COL24A1: variants seen among roughly 807,000 people sequenced by gnomAD.
The protein encoded by COL24A1 is collagen type XXIV alpha 1 chain, also known as collagen alpha-1(XXIV) chain.
A neutral mutation model predicts 253.9 loss-of-function variants in COL24A1; 224 were observed. The observed-to-expected ratio is 0.88, with a 90% CI of 0.79 to 0.99. The LOEUF (loss-of-function observed/expected upper bound fraction) is 0.99. COL24A1 is among the 50% of genes least tolerant of loss of function. COL24A1 has a pLI of 0.00. For missense variants in COL24A1, 2,131 were observed against 2,068.5 expected (o/e 1.03, Z -0.59); for synonymous variants, 685 against 673.7 (o/e 1.02, Z -0.26).
At chr1:85,825,144 G>A (rs766290488) in intron 43 of COL24A1, among the ~76,000 whole-genome samples, 78 of 140,272 alleles carry the variant, frequency 5.6e-4, no homozygotes, top group Admixed American at 6.5e-4. Context: ...TCATTGTTCA[G>A]TTCCCACCTA....
In COL24A1 at chr1:86,110,618, G is replaced by A. The variant is rs376320886; in HGVS notation, c.1599+1949C>T. On this transcript the variant is annotated intron_variant, in intron 5 of 59. Transcript: ENST00000370571. ...GCGCTCGCGAGCGAGCGCGAGTTCC[G>A]GGTGGGCACAGGCTTGGCAGGCCCC... Among the ~76,000 whole-genome samples, 357 of 152,102 alleles carry A rather than the reference G, an allele frequency of 2.3e-3. 2 individuals carry two copies. Among genetic ancestry groups the A allele is most frequent in the African/African-American group, 7.2e-3 (298 of 41,544 alleles).
chr1:86,064,867 GTTAAAC>G (rs1289232900), intron 7 of COL24A1, among the ~76,000 whole-genome samples: 2 of 152,336 alleles, frequency 1.3e-5, no homozygotes, highest in South Asian at 2.1e-4. Flanking sequence ...CTTTTGCGAT[GTTAAAC>G]TTAAAACAGT....
chr1:86,062,885 C>CT (rs985986694), intron 8 of COL24A1, among the ~76,000 whole-genome samples: 2 of 152,036 alleles, frequency 1.3e-5, no homozygotes, highest in African/African-American at 4.8e-5. Context: ...GGAAAATTGG[C>CT]TTTGTTTCTT....
intron 24 of COL24A1, among the ~76,000 whole-genome samples, chr1:85,925,694 A>C (rs562382905): frequency 5.9e-5 from 9 of 152,336 alleles, no homozygotes; most frequent in Admixed American, 2.6e-4. Context: ...AAAGACCTAA[A>C]TGTTAGACTT....
intron 5 of COL24A1, among the ~76,000 whole-genome samples, chr1:86,092,991 T>A (rs542489800): frequency 3.3e-5 from 5 of 151,970 alleles, no homozygotes; most frequent in Non-Finnish European, 7.4e-5. Context: ...TTTCAAACAA[T>A]TTGTCATATC....
At chr1:86,028,369 G>A (rs993325351) in intron 14 of COL24A1, among the ~76,000 whole-genome samples, 1 of 152,188 alleles carries the variant, frequency 6.6e-6, no homozygotes, top group South Asian at 2.1e-4. Flanking sequence ...CACATGCCAA[G>A]GGCAGGACCA....
intron 38 of COL24A1, 95 bp downstream of exon 38, chr1:85,849,258 A>T: frequency 1.3e-6 from 1 of 748,554 alleles, no homozygotes; most frequent in Non-Finnish European, 2.2e-6. Context: ...TTACTACTTT[A>T]CTATCTAGTC....
intron 47 of COL24A1, among the ~76,000 whole-genome samples, chr1:85,806,009 G>T (rs947460584): frequency 2.0e-5 from 3 of 151,380 alleles, no homozygotes; most frequent in Non-Finnish European, 2.9e-5. Context: ...CAAGGGGGCG[G>T]AGCTTGCAGT....
intron 37 of COL24A1, among the ~76,000 whole-genome samples, chr1:85,856,997 A>G (rs2102398448): frequency 6.6e-6 from 1 of 152,100 alleles, no homozygotes; most frequent in South Asian, 2.1e-4. Context: ...AGAAGCATGG[A>G]GGTTTTGTTT....
chr1:86,094,612 C>A (rs2101993740), intron 5 of COL24A1, among the ~76,000 whole-genome samples: 1 of 151,958 alleles, frequency 6.6e-6, no homozygotes, highest in East Asian at 1.9e-4. Context: ...GCACATGTAC[C>A]CCTGAACTTC....
At chr1:85,987,728 T>C (rs1307830975) in intron 19 of COL24A1, 74 bp from the exon 20 acceptor site, 2 of 1,276,496 alleles carry the variant, frequency 1.6e-6, no homozygotes, top group African/African-American at 3.0e-5. Flanking sequence ...AAAATTCCCT[T>C]TGCTATTCCT....
chr1:85,747,132 G>A (rs1295932197), intron 55 of COL24A1, among the ~76,000 whole-genome samples: 2 of 123,332 alleles, frequency 1.6e-5, no homozygotes, highest in Non-Finnish European at 3.2e-5. Context: ...TTTAATTTGA[G>A]ATGGAGTCTC....
At chr1:85,897,518 A>G (rs1398998484) in intron 28 of COL24A1, among the ~76,000 whole-genome samples, 1 of 152,204 alleles carries the variant, frequency 6.6e-6, no homozygotes, top group East Asian at 1.9e-4. Context: ...GCTTGTCAGG[A>G]ATTACTGGGA....
Position 86,125,900 on chromosome 1 carries a change from T to C in COL24A1, c.436A>G (p.Ile146Val). The C allele has an allele frequency of 3.1e-6, 5 of 1,613,308 alleles. No individual in the cohort carries two copies. Among genetic ancestry groups the C allele is most frequent in the East Asian group, 2.2e-5 (1 of 44,844 alleles). Reference protein sequence around the residue: ...QLLPKKLVVHIRGKQPAVFNY... With the variant: ...QLLPKKLVVHVRGKQPAVFNY... ...AAAACTGCAGGCTGCTTTCCTCTAA[T>C]GTGTACTACTAATTTTTTAGGTAGT... The change falls in exon 3 of 60, where the codon ATT becomes GTT. Residue 146 changes from isoleucine to valine, a missense_variant. Coordinates refer to ENST00000370571, the MANE Select transcript of COL24A1 (RefSeq NM_152890.7).
chr1:86,089,170 T>G lies in COL24A1; in HGVS notation c.1707+4A>C. ...AAAAGAAAAGAAGTAAAATTCCAACTTACCTTATCACCTTGCATACCAGGG... is the reference window on the plus strand; with the variant it reads ...AAAAGAAAAGAAGTAAAATTCCAACGTACCTTATCACCTTGCATACCAGGG... On this transcript the variant is annotated splice_donor_region_variant and intron_variant, in intron 7 of 59. Transcript: ENST00000370571. 6.4e-7 allele frequency: 1 copy of G among 1,570,294 alleles called. No individual in the cohort carries two copies. The highest frequency in any genetic ancestry group is 8.6e-7 in the Non-Finnish European group (1 of 1,167,950).
In COL24A1 at chr1:85,737,430, C is replaced by T. The variant is rs1273600226; in HGVS notation, c.4748G>A (p.Gly1583Asp). The T allele has an allele frequency of 4.3e-6, 7 of 1,612,682 alleles. No individual in the cohort carries two copies. Among genetic ancestry groups the T allele is most frequent in the Non-Finnish European group, 5.9e-6 (7 of 1,179,152 alleles). ...AGAAACAGGAGGTAAGCATGTCTGG[C>T]CACCAGCACTGAAATTGCAGAAAAC... is the stretch of plus-strand genomic sequence containing the variant. Reference protein sequence around the residue: ...IEVFCNFSAGGQTCLPPVSVT... With the variant: ...IEVFCNFSAGDQTCLPPVSVT... The change falls in exon 58 of 60, where the codon GGC (glycine) becomes GAC (aspartate). Residue 1583 changes from glycine (G) to aspartate (D), a missense_variant. Coordinates refer to ENST00000370571, the MANE Select transcript of COL24A1 (RefSeq NM_152890.7).
intron 39 of COL24A1, among the ~76,000 whole-genome samples, chr1:85,844,219 C>A (rs1416303405): frequency 6.6e-6 from 1 of 151,994 alleles, no homozygotes; most frequent in Non-Finnish European, 1.5e-5. Flanking sequence ...AAGCAGAAAT[C>A]ATATAGGTCA....
intron 43 of COL24A1, among the ~76,000 whole-genome samples, chr1:85,829,148 G>T (rs1011775664): frequency 6.8e-6 from 1 of 147,980 alleles, no homozygotes; most frequent in African/African-American, 2.5e-5. Context: ...GCATTTGCTT[G>T]TCTGTAAAGT....
chr1:86,074,668 C>T (rs946228036), intron 7 of COL24A1, among the ~76,000 whole-genome samples: 4 of 152,164 alleles, frequency 2.6e-5, no homozygotes, highest in African/African-American at 9.7e-5. Flanking sequence ...TTCTCAGCAC[C>T]ACATCACACT....
Sources: gnomAD v4.1 joint callset for allele counts (sites outside exome capture counted in the v4.1 genomes callset) on GRCh38, gnomAD v4.1.1 for gene constraint, MANE v1.5 for transcripts, NCBI Gene and HGNC (gene_info 2026-07-23, HGNC 2026-07-21) for gene names.